The following CELSR3 variants were observed in gnomAD, a reference collection of about 807,000 sequenced individuals.
CELSR3 encodes cadherin EGF LAG seven-pass G-type receptor 3.
In CELSR3, 73 loss-of-function variants were observed where a neutral mutation model predicts 270.0. The observed-to-expected ratio is 0.27, with a 90% confidence interval of 0.22 to 0.33. The LOEUF is 0.33. Ranked by LOEUF, CELSR3 falls within the 10% of genes least tolerant of loss-of-function variation. The pLI is 1.00. For missense variants in CELSR3, 3,614 were observed against 4,533.8 expected (o/e 0.80, Z 5.83); for synonymous variants, 1,780 against 1,905.4 (o/e 0.93, Z 1.71).
intron 18 of CELSR3, 90 bp downstream of exon 18, chr3:48,648,629 G>T: frequency 6.8e-7 from 1 of 1,477,948 alleles, no homozygotes; most frequent in East Asian, 2.3e-5. Context: ...CACTTCCCAA[G>T]AGAACAGCAG....
rs565681268 is a variant in CELSR3, at chr3:48,639,499, C to T, written c.9911+175G>A. 2.6e-5 allele frequency among the ~76,000 whole-genome samples: 4 copies of T among 152,344 alleles called. No homozygotes were observed. Among genetic ancestry groups the T allele is most frequent in the Admixed American group, 6.5e-5 (1 of 15,304 alleles). On this transcript the variant is annotated intron_variant, in intron 34 of 34. Coordinates refer to ENST00000164024, the MANE Select transcript of CELSR3 (RefSeq NM_001407.3). The surrounding 1 kb of genome is among the most constrained non-coding windows in gnomAD (Gnocchi z 4.1). ...AGCAAGTCCCTGCTAGTCACACCCCCATTTCTTGCCAGATTCCTGTCCCCA... is the reference window on the plus strand; with the variant it reads ...AGCAAGTCCCTGCTAGTCACACCCCTATTTCTTGCCAGATTCCTGTCCCCA...
rs2047036287 is a variant in CELSR3, at chr3:48,642,462, T to C, written c.8561A>G (p.Asn2854Ser). Residue 2854 changes from asparagine to serine, a missense_variant, in exon 31 of 35, where the codon AAT (asparagine) becomes AGT (serine). Around this residue, in one of 7 missense-constraint regions of CELSR3, gnomAD observed 1,240 missense variants for 1,351.7 expected, o/e 0.92. Coordinates refer to ENST00000164024, the MANE Select transcript of CELSR3 (RefSeq NM_001407.3). This position sits in a 1 kb window ranked among gnomAD's most constrained non-coding sequence, Gnocchi z 6.1. ...GGCTGAGCCATGTCGAACCAGGACATTGTCCCTGGAAAAGCAGGAGCCCCC... is the reference window on the plus strand; with the variant it reads ...GGCTGAGCCATGTCGAACCAGGACACTGTCCCTGGAAAAGCAGGAGCCCCC... Reference protein sequence around the residue: ...SQRGRSYLRDNVLVRHGSAAD... With the variant: ...SQRGRSYLRDSVLVRHGSAAD... The C allele has an allele frequency of 6.2e-7, 1 of 1,612,354 alleles. No individual in the cohort carries two copies. Among genetic ancestry groups the C allele is most frequent in the Admixed American group, 1.7e-5 (1 of 59,860 alleles).
rs2047172903 is a variant in CELSR3, at chr3:48,655,510, C to T, written c.4742-116G>A. ...TGGATGCATCAGATCAGTCCCCCCA[C>T]TGGTGACCACAATGGCTGGCTCAGA... On this transcript the variant is annotated intron_variant, in intron 4 of 34. Transcript: ENST00000164024. The surrounding 1 kb of genome is among the most constrained non-coding windows in gnomAD (Gnocchi z 5.8). 5.6e-6 allele frequency: 6 copies of T among 1,063,548 alleles called. No homozygotes were observed. In the Admixed American group the frequency reaches 1.1e-4, roughly 20 times the overall value. 65.9% of individuals were successfully genotyped at this position (1,063,548 alleles called of 1,614,324 possible).
In CELSR3 at chr3:48,642,128, G is replaced by A; in HGVS notation, c.8666-119C>T. 2.9e-6 allele frequency: 3 copies of A among 1,024,832 alleles called. No individual in the cohort carries two copies. Among genetic ancestry groups the A allele is most frequent in the Non-Finnish European group, 4.2e-6 (3 of 719,584 alleles). 63.5% of individuals were successfully genotyped at this position (1,024,832 alleles called of 1,614,324 possible). A position where few individuals can be genotyped will look rare whatever the true frequency, so the allele number is the denominator to read the frequency against. On this transcript the variant is annotated intron_variant, in intron 31 of 34. Transcript: ENST00000164024. The surrounding 1 kb of genome is among the most constrained non-coding windows in gnomAD (Gnocchi z 6.1). ...GGGTTAGGGTTGGGGACAGGAACCG[G>A]GGCTTGAAGTGGAGGTAGCAGCAGA...
rs768878548 is a variant in CELSR3 at position 48,661,973 on chromosome 3, G to C, written c.662C>G (p.Thr221Arg). The C allele has an allele frequency of 1.9e-6, 3 of 1,613,896 alleles. No homozygotes were observed. Among genetic ancestry groups the C allele is most frequent in the Non-Finnish European group, 2.5e-6 (3 of 1,180,040 alleles). Residue 221 changes from threonine (T) to arginine (R), a missense_variant, in exon 1 of 35, where the codon ACG becomes AGG. Physicochemically the swap from Thr to Arg is moderately conservative, Grantham distance 71 (BLOSUM62 -1). Around this residue, in one of 7 missense-constraint regions of CELSR3, gnomAD observed 470 missense variants for 469.7 expected, o/e 1.00. Coordinates refer to ENST00000164024, the MANE Select transcript of CELSR3 (RefSeq NM_001407.3). ...GGCTGTCCTTTCTGCTCCGGATGTC[G>C]TGGCTCTCTCGCCCTGACCCTTGCT... is the stretch of plus-strand genomic sequence containing the variant. ...TGSKGQGERA[T>R]TSGAERTAPR... is the part of the protein sequence containing the mutation.
In CELSR3 at chr3:48,651,210, G is replaced by A; in HGVS notation, c.6187-135C>T. On this transcript the variant is annotated intron_variant, in intron 14 of 34. Coordinates refer to ENST00000164024, the MANE Select transcript of CELSR3 (RefSeq NM_001407.3). The surrounding 1 kb of genome is among the most constrained non-coding windows in gnomAD (Gnocchi z 7.4). ...GGGTCATGCGTGAAGCCAAGGGAGG[G>A]GTCACGGGTAAAGGATGAGAGACAG... 6.9e-7 allele frequency: 1 copy of A among 1,446,224 alleles called. No homozygotes were observed. Among genetic ancestry groups the A allele is most frequent in the Non-Finnish European group, 9.5e-7 (1 of 1,051,528 alleles). 89.6% of individuals were successfully genotyped at this position (1,446,224 alleles called of 1,614,324 possible). A position where few individuals can be genotyped will look rare whatever the true frequency, so the allele number is the denominator to read the frequency against.
In CELSR3 at chr3:48,639,681, C is replaced by G. The variant is rs61729240; in HGVS notation, c.9904G>C (p.Asp3302His). The G allele has an allele frequency of 3.3e-3, 5,304 of 1,613,294 alleles. 140 individuals carry two copies. In the African/African-American group the frequency reaches 0.06, roughly 18 times the overall value. ...TSHSISELSPDSEVPRSEGHS is the reference protein window; with the variant it reads ...TSHSISELSPHSEVPRSEGHS The stretch of plus-strand genomic sequence containing the variant: ...TGGCTGGACCATACTTACTCTGAGT[C>G]TGGCGACAGCTCCGAGATGCTGTGA... Residue 3302 changes from aspartate (D) to histidine (H), a missense_variant, in exon 34 of 35, where the codon GAC (aspartate) becomes CAC (histidine). Physicochemically the swap from Asp to His is moderately conservative, Grantham distance 81. Transcript: ENST00000164024. This position sits in a 1 kb window ranked among gnomAD's most constrained non-coding sequence, Gnocchi z 4.1.
In CELSR3 at chr3:48,654,561, G is replaced by A. The variant is rs2047164338; in HGVS notation, c.4989-109C>T. On this transcript the variant is annotated intron_variant, in intron 6 of 34. Coordinates refer to ENST00000164024, the MANE Select transcript of CELSR3 (RefSeq NM_001407.3). This position sits in a 1 kb window ranked among gnomAD's most constrained non-coding sequence, Gnocchi z 5.4. ...GGACCCAGAGGGTAGGGTGATTGAG[G>A]GAGGAAAATAAGGCCGAGCTGTGGA... 3.1e-6 allele frequency: 3 copies of A among 964,064 alleles called. No homozygotes were observed. The highest frequency in any genetic ancestry group is 2.6e-5 in the East Asian group (1 of 38,060). 59.7% of individuals were successfully genotyped at this position (964,064 alleles called of 1,614,324 possible).
Position 48,660,631 on chromosome 3 carries a change from G to A in CELSR3, c.2004C>T (p.His668=). ...VSVLENAPLG[H]SVIHIQAVDA... Reference sequence around the variant, plus strand: ...CGACTGCCTGAATGTGGATGACTGAGTGACCCAAGGGAGCATTTTCCAAGA... The same window carrying A: ...CGACTGCCTGAATGTGGATGACTGAATGACCCAAGGGAGCATTTTCCAAGA... The change falls in exon 1 of 35, where the codon CAC becomes CAT. Residue 668 remains histidine (H), a synonymous_variant. Transcript: ENST00000164024. The surrounding 1 kb of genome is among the most constrained non-coding windows in gnomAD (Gnocchi z 5.5). 1 of 1,614,218 alleles carries A rather than the reference G, an allele frequency of 6.2e-7. No homozygotes were observed. Among genetic ancestry groups the A allele is most frequent in the East Asian group, 2.2e-5 (1 of 44,888 alleles).
rs1443829371 is a variant in CELSR3, at chr3:48,662,143, G to C, written c.492C>G (p.Gly164=). Residue 164 remains glycine (G), a synonymous_variant, in exon 1 of 35, where the codon GGC becomes GGG. Coordinates refer to ENST00000164024, the MANE Select transcript of CELSR3 (RefSeq NM_001407.3). The surrounding 1 kb of genome is among the most constrained non-coding windows in gnomAD (Gnocchi z 7.1). ...AAGGGAGGGGCGAGCTGTTCCCCGAGCCCGGGACCCCTGAGGACAGAGCCC... is the reference window on the plus strand; with the variant it reads ...AAGGGAGGGGCGAGCTGTTCCCCGACCCCGGGACCCCTGAGGACAGAGCCC... The part of the protein sequence containing the change: ...SPGALSSGVP[G]SGNSSPLPSD... 6.2e-7 allele frequency: 1 copy of C among 1,612,964 alleles called. No homozygotes were observed. The highest frequency in any genetic ancestry group is 2.2e-5 in the East Asian group (1 of 44,892).
chr3:48,649,475 C>T (rs1452907458), intron 16 of CELSR3, among the ~76,000 whole-genome samples: 3 of 152,340 alleles, frequency 2.0e-5, no homozygotes, highest in South Asian at 2.1e-4. Flanking sequence ...CACTCACCCA[C>T]GTGGGCCAGG....
At position 48,659,884 on chromosome 3, in the gene CELSR3, G is replaced by A; in HGVS notation, c.2751C>T (p.Ala917=). ...DADSGAITLQ[A]PLDYEDQVTY... Reference sequence around the variant, plus strand: ...TCACCTGGTCCTCATAGTCTAATGGGGCCTGTAATGTAATGGCTCCTGAGT... The same window carrying A: ...TCACCTGGTCCTCATAGTCTAATGGAGCCTGTAATGTAATGGCTCCTGAGT... The change falls in exon 1 of 35, where the codon GCC becomes GCT. Residue 917 remains alanine (A), a synonymous_variant. Coordinates refer to ENST00000164024, the MANE Select transcript of CELSR3 (RefSeq NM_001407.3). This position sits in a 1 kb window ranked among gnomAD's most constrained non-coding sequence, Gnocchi z 8.1. 6.2e-7 allele frequency: 1 copy of A among 1,614,010 alleles called. No homozygotes were observed. Among genetic ancestry groups the A allele is most frequent in the Non-Finnish European group, 8.5e-7 (1 of 1,179,970 alleles).
chr3:48,648,716 C>T lies in CELSR3; in HGVS notation c.6777+3G>A, dbSNP rs1332371806. The T allele has an allele frequency of 6.2e-7, 1 of 1,609,632 alleles. No homozygotes were observed. The highest frequency in any genetic ancestry group is 1.1e-5 in the South Asian group (1 of 91,022). On this transcript the variant is annotated splice_donor_region_variant and intron_variant, in intron 18 of 34. Transcript: ENST00000164024. ...GCACTGAGAACATAGGGCACAGCCC[C>T]ACCTCATTGAAGTGGGCATCCTGTG...
At chr3:48,643,177 G>C (rs772240382) in intron 28 of CELSR3, 94 bp from the exon 29 acceptor site, 21 of 830,866 alleles carry the variant, frequency 2.5e-5, no homozygotes, top group Non-Finnish European at 4.0e-5. Flanking sequence ...AGTCACTGTA[G>C]GCTAGTGTGG....
chr3:48,639,985 A>G lies in CELSR3; in HGVS notation c.9600T>C (p.Ser3200=), dbSNP rs1331247563. The G allele has an allele frequency of 1.2e-6, 2 of 1,612,532 alleles. No homozygotes were observed. Among genetic ancestry groups the G allele is most frequent in the Non-Finnish European group, 1.7e-6 (2 of 1,180,002 alleles). Residue 3200 remains serine (S), a synonymous_variant, in exon 34 of 35, where the codon TCT becomes TCC. Coordinates refer to ENST00000164024, the MANE Select transcript of CELSR3 (RefSeq NM_001407.3). This position sits in a 1 kb window ranked among gnomAD's most constrained non-coding sequence, Gnocchi z 4.1. ...PLDSLSRSSN[S]REQLDQVPSR... is the part of the protein sequence containing the mutation. ...TAGGCACCTGGTCCAGCTGCTCCCG[A>G]GAGTTCGAGCTCCTAGACAGAGAGT...
rs370039827 is a variant in CELSR3, at chr3:48,644,482, TGAGA to T, written c.8086-191_8086-188del. 2.0e-5 allele frequency among the ~76,000 whole-genome samples: 3 copies of T among 151,634 alleles called. No homozygotes were observed. Among genetic ancestry groups the T allele is most frequent in the South Asian group, 2.1e-4 (1 of 4,800 alleles). ...AAGAAATTGGGAACCAGAGAGGGAC[TGAGA>T]GAGAGAAGCAGAGACAGAGGCAGGG... is the stretch of plus-strand genomic sequence containing the variant. On this transcript the variant is annotated intron_variant, in intron 26 of 34. Coordinates refer to ENST00000164024, the MANE Select transcript of CELSR3 (RefSeq NM_001407.3). This position sits in a 1 kb window ranked among gnomAD's most constrained non-coding sequence, Gnocchi z 4.8.
rs1210713428 is a variant in CELSR3, at chr3:48,661,188, C to T, written c.1447G>A (p.Ala483Thr). The change falls in exon 1 of 35, where the codon GCC (alanine) becomes ACC (threonine). Residue 483 changes from alanine (A) to threonine (T), a missense_variant. Physicochemically the swap from Ala to Thr is moderately conservative, Grantham distance 58. This residue lies in a region of CELSR3 where 354 missense variants were observed against 500.9 expected (regional missense o/e 0.71). Transcript: ENST00000164024. ...VGPPAARAAAAAAFEIDPRSG... is the reference protein window; with the variant it reads ...VGPPAARAAATAAFEIDPRSG... Reference sequence around the variant, plus strand: ...CGTGGATCAATCTCGAAGGCGGCGGCAGCTGCAGCGCGCGCAGCTGGCGGC... The same window carrying T: ...CGTGGATCAATCTCGAAGGCGGCGGTAGCTGCAGCGCGCGCAGCTGGCGGC... 1.3e-6 allele frequency: 2 copies of T among 1,597,690 alleles called. No homozygotes were observed. The highest frequency in any genetic ancestry group is 2.3e-5 in the East Asian group (1 of 43,968).
chr3:48,662,245 C>T lies in CELSR3; in HGVS notation c.390G>A (p.Gly130=), dbSNP rs559105672. 5 of 1,613,170 alleles carry T rather than the reference C, an allele frequency of 3.1e-6. No homozygotes were observed. In the African/African-American group the frequency reaches 6.7e-5, roughly 21 times the overall value. The change falls in exon 1 of 35, where the codon GGG becomes GGA. Residue 130 remains glycine (G), a synonymous_variant. Coordinates refer to ENST00000164024, the MANE Select transcript of CELSR3 (RefSeq NM_001407.3). The surrounding 1 kb of genome is among the most constrained non-coding windows in gnomAD (Gnocchi z 7.1). ...SRERETGQGP[G]SVLYWRPEVS... ...CCTCTGGGCGCCAGTATAACACAGACCCTGGTCCCTGTCCTGTCTCTCGTT... is the reference window on the plus strand; with the variant it reads ...CCTCTGGGCGCCAGTATAACACAGATCCTGGTCCCTGTCCTGTCTCTCGTT...
rs773549531 is a variant in CELSR3, at chr3:48,640,174, G to T, written c.9411C>A (p.Arg3137=). The change falls in exon 34 of 35, where the codon CGC becomes CGA. Residue 3137 remains arginine, a synonymous_variant. Transcript: ENST00000164024. This position sits in a 1 kb window ranked among gnomAD's most constrained non-coding sequence, Gnocchi z 7.5. ...PRDYPGAMAG[R]FGSRDALDLG... The stretch of plus-strand genomic sequence containing the variant: ...AGTCGAGCGCATCCCGTGACCCGAA[G>T]CGGCCAGCCATGGCGCCAGGGTAGT... 18 of 1,612,712 alleles carry T rather than the reference G, an allele frequency of 1.1e-5. No homozygotes were observed. In the East Asian group the frequency reaches 3.8e-4, roughly 34 times the overall value.
Sources: allele counts gnomAD v4.1 joint callset (sites outside exome capture counted in the v4.1 genomes callset), GRCh38; gene constraint gnomAD v4.1.1; regional missense constraint gnomAD v4.1.1; non-coding constraint Gnocchi (gnomAD v3.1); transcripts MANE v1.5; gene names NCBI Gene and HGNC (gene_info 2026-07-23, HGNC 2026-07-21).